Variants in EMILIN2 observed in about 807,000 individuals in gnomAD.
EMILIN2 encodes elastin microfibril interfacer 2.
A neutral mutation model predicts 87.1 loss-of-function variants in EMILIN2; 71 were observed. The ratio of observed to expected loss-of-function variants is 0.82; its 90% CI spans 0.67 to 0.99. The LOEUF (loss-of-function observed/expected upper bound fraction) is 0.99. EMILIN2 is among the 50% of genes least tolerant of loss of function. The pLI, the probability that EMILIN2 is intolerant of heterozygous loss-of-function variation, is 0.00. For missense variants in EMILIN2, 1,407 were observed against 1,371.8 expected (o/e 1.03, Z -0.40); for synonymous variants, 581 against 563.4 (o/e 1.03, Z -0.44).
chr18:2,872,614 G>C (rs2076725741), intron 2 of EMILIN2, among the ~76,000 whole-genome samples: 1 of 152,190 alleles, frequency 6.6e-6, no homozygotes, highest in Non-Finnish European at 1.5e-5. Flanking sequence ...CCAAAGTAAT[G>C]ATGTAAATTG....
intron 2 of EMILIN2, among the ~76,000 whole-genome samples, chr18:2,864,744 C>T (rs1294708201): frequency 3.9e-5 from 6 of 151,930 alleles, no homozygotes; most frequent in African/African-American, 1.5e-4. Flanking sequence ...TCTGTATTTC[C>T]TGAATTTGAA....
intron 2 of EMILIN2, among the ~76,000 whole-genome samples, chr18:2,864,174 A>G (rs2076674924): frequency 6.6e-6 from 1 of 152,134 alleles, no homozygotes; most frequent in Non-Finnish European, 1.5e-5. Context: ...CTCTTTATCC[A>G]ATTTGCCAGT....
At chr18:2,901,852 A>G (rs1231295211) in intron 4 of EMILIN2, among the ~76,000 whole-genome samples, 1 of 152,170 alleles carries the variant, frequency 6.6e-6, no homozygotes, top group Non-Finnish European at 1.5e-5. Context: ...CAGAGCTAGG[A>G]GAGGCCAGGG....
At chr18:2,852,250 A>G (rs2076605223) in intron 2 of EMILIN2, among the ~76,000 whole-genome samples, 3 of 152,104 alleles carry the variant, frequency 2.0e-5, no homozygotes, top group Non-Finnish European at 2.9e-5. Flanking sequence ...CATTTTTCAC[A>G]CTATACAGTT....
At position 2,861,199 on chromosome 18, in the gene EMILIN2, C is replaced by T. The variant is rs568633610; in HGVS notation, c.257+13268C>T. Among the ~76,000 whole-genome samples the T allele has an allele frequency of 6.7e-3, 1,027 of 152,174 alleles. 10 individuals carry two copies. Among genetic ancestry groups the T allele is most frequent in the African/African-American group, 0.022 (914 of 41,522 alleles). ...TCTGTAGGTTGCCTGTTCACTCTGACGGTAGTTTCTTTTGCTGTGCAGAAG... is the reference window on the plus strand; with the variant it reads ...TCTGTAGGTTGCCTGTTCACTCTGATGGTAGTTTCTTTTGCTGTGCAGAAG... On this transcript the variant is annotated intron_variant, in intron 2 of 7. Coordinates refer to ENST00000254528, the MANE Select transcript of EMILIN2 (RefSeq NM_032048.3).
chr18:2,852,955 G>T (rs934404251), intron 2 of EMILIN2, among the ~76,000 whole-genome samples: 2 of 152,188 alleles, frequency 1.3e-5, no homozygotes, highest in African/African-American at 4.8e-5. Context: ...CCGGGCACAG[G>T]ATTGCTTCAA....
chr18:2,905,100 T>C (rs564763315), intron 4 of EMILIN2, among the ~76,000 whole-genome samples: 2 of 152,268 alleles, frequency 1.3e-5, no homozygotes, highest in African/African-American at 4.8e-5. Context: ...TAAATCCTGA[T>C]GCCATTCTAT....
intron 2 of EMILIN2, among the ~76,000 whole-genome samples, chr18:2,851,128 G>A (rs2076599404): frequency 6.6e-6 from 1 of 151,808 alleles, no homozygotes; most frequent in African/African-American, 2.4e-5. Flanking sequence ...TAGCCAAGCA[G>A]GTAAAGAATT....
intron 2 of EMILIN2, among the ~76,000 whole-genome samples, chr18:2,864,125 A>T (rs920943452): frequency 3.9e-5 from 6 of 152,162 alleles, no homozygotes; most frequent in African/African-American, 1.4e-4. Flanking sequence ...TCTGCACATG[A>T]GATGGGTTTC....
Position 2,913,202 on chromosome 18 carries a change from G to A in EMILIN2, c.2960G>A (p.Arg987Lys). Residue 987 changes from arginine (R) to lysine (K), a missense_variant, in exon 8 of 8, where the codon AGA (arginine) becomes AAA (lysine). Transcript: ENST00000254528. ...CAGCTGCATACCGCTGGGTACAGGA[G>A]AGAGTTCCTGGAATACCACCGCCCT... ...VAQLHTAGYRREFLEYHRPPG... is the reference protein window; with the variant it reads ...VAQLHTAGYRKEFLEYHRPPG... 6.2e-7 allele frequency: 1 copy of A among 1,614,024 alleles called. No individual in the cohort carries two copies. The highest frequency in any genetic ancestry group is 1.3e-5 in the African/African-American group (1 of 75,036).
chr18:2,877,485 T>C (rs2076755171), intron 2 of EMILIN2, among the ~76,000 whole-genome samples: 2 of 150,364 alleles, frequency 1.3e-5, no homozygotes, highest in Admixed American at 1.3e-4. Flanking sequence ...AAGTAGTTTC[T>C]AGAAAATCAG....
chr18:2,876,248 T>C (rs922502934), intron 2 of EMILIN2, among the ~76,000 whole-genome samples: 1 of 151,744 alleles, frequency 6.6e-6, no homozygotes, highest in Non-Finnish European at 1.5e-5. Flanking sequence ...CCCAAAGTGC[T>C]GGGATTACAG....
intron 4 of EMILIN2, among the ~76,000 whole-genome samples, chr18:2,892,809 TG>T (rs1306006802): frequency 6.7e-6 from 1 of 150,236 alleles, no homozygotes; most frequent in East Asian, 1.9e-4. Flanking sequence ...CCCAGCACTC[TG>T]GGAGTCAAAG....
intron 2 of EMILIN2, among the ~76,000 whole-genome samples, chr18:2,882,793 G>A (rs539847381): frequency 5.9e-5 from 9 of 151,924 alleles, no homozygotes; most frequent in South Asian, 2.1e-4. Flanking sequence ...TGAGGCAGGC[G>A]AATCGCTTGA....
intron 2 of EMILIN2, among the ~76,000 whole-genome samples, chr18:2,876,129 G>A (rs961742120): frequency 1.3e-5 from 2 of 151,606 alleles, no homozygotes; most frequent in South Asian, 2.1e-4. Context: ...CAACAGGCGC[G>A]TGCCACCACA....
At chr18:2,850,093 A>ATTTTTTTTTTTT (rs71366611) in intron 2 of EMILIN2, among the ~76,000 whole-genome samples, 5 of 122,538 alleles carry the variant, frequency 4.1e-5, no homozygotes, top group South Asian at 2.7e-4. Flanking sequence ...TGCCCAGCTA[A>ATTTTTTTTTTTT]TTTTTTTTTT....
chr18:2,870,616 A>T (rs1435682037), intron 2 of EMILIN2, among the ~76,000 whole-genome samples: 2 of 152,244 alleles, frequency 1.3e-5, no homozygotes, highest in East Asian at 3.8e-4. Context: ...GAAGAAAGTT[A>T]TTTCCAGCCA....
At chr18:2,895,675 C>T (rs1001804562) in intron 4 of EMILIN2, among the ~76,000 whole-genome samples, 1 of 152,186 alleles carries the variant, frequency 6.6e-6, no homozygotes, top group African/African-American at 2.4e-5. Flanking sequence ...CCTGGGCTTC[C>T]TCACAGCATG....
chr18:2,902,397 C>T (rs1242522279), intron 4 of EMILIN2, among the ~76,000 whole-genome samples: 1 of 152,226 alleles, frequency 6.6e-6, no homozygotes, highest in African/African-American at 2.4e-5. Context: ...AAAGAGCCCC[C>T]AGAGGTTCAT....
Sources: allele counts gnomAD v4.1 joint callset (sites outside exome capture counted in the v4.1 genomes callset), GRCh38; gene constraint gnomAD v4.1.1; transcripts MANE v1.5; gene names NCBI Gene and HGNC (gene_info 2026-07-23, HGNC 2026-07-21).